Variants in SLC36A1 observed in about 807,000 individuals in gnomAD.
The protein encoded by SLC36A1 is proton-coupled amino acid transporter 1.
In SLC36A1, 30 loss-of-function variants were observed where a neutral mutation model predicts 47.5. The ratio of observed to expected loss-of-function variants is 0.63; its 90% CI spans 0.47 to 0.86. SLC36A1 has a LOEUF of 0.86. SLC36A1 is among the 40% of genes least tolerant of loss of function. SLC36A1 has a pLI of 0.00. For synonymous variants in SLC36A1, 255 were observed against 249.7 expected (o/e 1.02, Z -0.20); for missense variants, 517 against 606.0 (o/e 0.85, Z 1.54).
the SLC36A1 span, among the ~76,000 whole-genome samples, chr5:151,373,277 G>T: frequency 6.6e-6 from 1 of 151,676 alleles, no homozygotes; most frequent in Non-Finnish European, 1.5e-5. Context: ...AAAAAAAAGT[G>T]CAGAGAAAAA....
chr5:151,511,898 T>A, the SLC36A1 span: 2 of 502,432 alleles, frequency 4.0e-6, no homozygotes, highest in Non-Finnish European at 7.2e-6. Flanking sequence ...GGTATGTGAT[T>A]AATTCAACCC....
chr5:151,553,356 A>G, the SLC36A1 span: 1 of 1,614,206 alleles, frequency 6.2e-7, no homozygotes, highest in Non-Finnish European at 8.5e-7. Flanking sequence ...ACTGGCTGAG[A>G]GTGGTGGCTG....
At chr5:151,553,079 A>C in the SLC36A1 span, 1 of 1,272,124 alleles carries the variant, frequency 7.9e-7, no homozygotes, top group Non-Finnish European at 1.1e-6. Flanking sequence ...GAGGAGCCCG[A>C]CCTTGAGAAG....
At position 151,489,167 on chromosome 5, in the gene SLC36A1, G is replaced by C. The variant is rs1324800879; in HGVS notation, c.*913G>C. 1 of 152,136 alleles carries C rather than the reference G, an allele frequency of 6.6e-6. No individual in the cohort carries two copies. The highest frequency in any genetic ancestry group is 2.4e-5 in the African/African-American group (1 of 41,418). 9.4% of individuals were successfully genotyped at this position (152,136 alleles called of 1,614,324 possible). On this transcript the variant is annotated 3_prime_UTR_variant, in exon 11 of 11. Coordinates refer to ENST00000243389, the MANE Select transcript of SLC36A1 (RefSeq NM_078483.4). The surrounding 1 kb of genome is among the most constrained non-coding windows in gnomAD (Gnocchi z 4.5). The stretch of plus-strand genomic sequence containing the variant: ...ACCTCGGTGAGGAGGCACAGATTTT[G>C]CCTCCTGTTGACCAGCCTGGTTTCA...
the SLC36A1 span, among the ~76,000 whole-genome samples, chr5:151,352,919 G>A: frequency 1.3e-5 from 2 of 152,238 alleles, no homozygotes; most frequent in Admixed American, 6.5e-5. Flanking sequence ...AGCAAGGGCT[G>A]TCCAGATTCT....
At chr5:151,483,517 TG>T (rs150402922) in intron 10 of SLC36A1, among the ~76,000 whole-genome samples, 3 of 126,244 alleles carry the variant, frequency 2.4e-5, no homozygotes, top group Non-Finnish European at 4.7e-5. Flanking sequence ...TTTGTGTGTG[TG>T]GGGGGGGTGA....
chr5:151,346,381 A>G, the SLC36A1 span, among the ~76,000 whole-genome samples: 3 of 151,732 alleles, frequency 2.0e-5, no homozygotes, highest in Admixed American at 1.3e-4. Flanking sequence ...TGCCCCTTAC[A>G]GTCCCTCCCT....
chr5:151,402,037 G>A, the SLC36A1 span, among the ~76,000 whole-genome samples: 73 of 152,172 alleles, frequency 4.8e-4, no homozygotes, highest in Admixed American at 9.2e-4. Context: ...AAATAGGAGT[G>A]GTGAGAATGG....
chr5:151,542,056 A>G, the SLC36A1 span, among the ~76,000 whole-genome samples: 4 of 152,224 alleles, frequency 2.6e-5, no homozygotes, highest in Non-Finnish European at 5.9e-5. Flanking sequence ...TTTCTAATGT[A>G]TAGGTGCTTT....
chr5:151,436,083 T>A (rs576850033), upstream of SLC36A1, among the ~76,000 whole-genome samples: 4,938 of 152,186 alleles, frequency 0.032, 255 homozygotes, highest in African/African-American at 0.11. Flanking sequence ...TATTCATATA[T>A]GAACATCCCT....
intron 1 of SLC36A1, among the ~76,000 whole-genome samples, chr5:151,440,452 G>A (rs1752557775): frequency 6.6e-6 from 1 of 151,984 alleles, no homozygotes. Flanking sequence ...GAATGTTCAG[G>A]AGGATGGATC....
upstream of SLC36A1, among the ~76,000 whole-genome samples, chr5:151,445,094 C>T (rs1484011885): frequency 2.6e-5 from 4 of 151,824 alleles, no homozygotes; most frequent in East Asian, 1.9e-4. Flanking sequence ...TTTTCATAAA[C>T]GACCTTATTA....
At chr5:151,396,975 T>C in the SLC36A1 span, among the ~76,000 whole-genome samples, 1 of 152,340 alleles carries the variant, frequency 6.6e-6, no homozygotes, top group South Asian at 2.1e-4. Context: ...CACCTCTCCT[T>C]TCATCTGAGT....
At position 151,467,345 on chromosome 5, in the gene SLC36A1, A is replaced by G. The variant is rs1581144829; in HGVS notation, c.504+62A>G. ...ACCAGAGCGAGAATGGCAAAAGATG[A>G]TTGAAGTTTTTGTTTAGGATTTTTT... is the stretch of plus-strand genomic sequence containing the variant. On this transcript the variant is annotated intron_variant, in intron 6 of 10. Coordinates refer to ENST00000243389, the MANE Select transcript of SLC36A1 (RefSeq NM_078483.4). The G allele has an allele frequency of 4.3e-6, 5 of 1,169,960 alleles. No individual in the cohort carries two copies. The East Asian group carries it at 9.4e-5, about 22-fold the overall frequency. 72.5% of individuals were successfully genotyped at this position (1,169,960 alleles called of 1,614,324 possible). A position where few individuals can be genotyped will look rare whatever the true frequency, so the allele number is the denominator to read the frequency against.
the SLC36A1 span, chr5:151,366,569 A>G: frequency 4.3e-6 from 1 of 230,586 alleles, no homozygotes; most frequent in Non-Finnish European, 8.9e-6. Flanking sequence ...TCCAGGAGGC[A>G]CAGGATGATG....
At chr5:151,403,355 A>C in the SLC36A1 span, among the ~76,000 whole-genome samples, 1 of 152,172 alleles carries the variant, frequency 6.6e-6, no homozygotes, top group African/African-American at 2.4e-5. Context: ...GGGGGTGATT[A>C]AATCATGAGA....
rs1760020590 is a variant in SLC36A1, at chr5:151,490,540, T to C, written c.*2286T>C. 1 of 152,384 alleles carries C rather than the reference T, an allele frequency of 6.6e-6. No individual in the cohort carries two copies. Among genetic ancestry groups the C allele is most frequent in the Admixed American group, 6.5e-5 (1 of 15,286 alleles). 9.4% of individuals were successfully genotyped at this position (152,384 alleles called of 1,614,324 possible). ...GGGACCTGAGGACTGGATGGTAGAA[T>C]ACTGGGGTCCCCCAGCTCTTAGCAG... On this transcript the variant is annotated 3_prime_UTR_variant, in exon 11 of 11. Coordinates refer to ENST00000243389, the MANE Select transcript of SLC36A1 (RefSeq NM_078483.4).
chr5:151,345,872 T>G, the SLC36A1 span, among the ~76,000 whole-genome samples: 1 of 152,154 alleles, frequency 6.6e-6, no homozygotes, highest in East Asian at 1.9e-4. Flanking sequence ...AGCCAACACT[T>G]ACAGACACTG....
At chr5:151,501,552 G>C in the SLC36A1 span, among the ~76,000 whole-genome samples, 1 of 147,934 alleles carries the variant, frequency 6.8e-6, no homozygotes, top group Admixed American at 6.6e-5. Context: ...AAAGTGCTGG[G>C]ATTACAGGTG....
Sources: gnomAD v4.1 joint callset for allele counts (sites outside exome capture counted in the v4.1 genomes callset) on GRCh38, gnomAD v4.1.1 for gene constraint, Gnocchi (gnomAD v3.1) non-coding constraint, MANE v1.5 for transcripts, NCBI Gene and HGNC (gene_info 2026-07-23, HGNC 2026-07-21) for gene names.